The following MYOT variants were observed in gnomAD, a reference collection of about 807,000 sequenced individuals.
The protein encoded by MYOT is 57 kDa cytoskeletal protein.
In MYOT, 36 loss-of-function variants were observed where a neutral mutation model predicts 58.0. The observed-to-expected ratio is 0.62, with a 90% CI of 0.48 to 0.82. MYOT has a LOEUF of 0.82. MYOT is among the 40% of genes least tolerant of loss of function. The probability of loss-of-function intolerance (pLI) is 0.00; values close to 1 mark genes in which losing one functional copy is unlikely to be tolerated. For synonymous variants in MYOT, 218 were observed against 204.6 expected, an observed-to-expected ratio of 1.07 and a Z score of -0.56; for missense variants, 505 against 592.1, an observed-to-expected ratio of 0.85 and a Z score of 1.53.
At chr5:137,877,066 T>TAAA (rs34554181) in intron 3 of MYOT, among the ~76,000 whole-genome samples, 1 of 143,330 alleles carries the variant, frequency 7.0e-6, no homozygotes, top group African/African-American at 2.5e-5. Context: ...GAAAAGACTT[T>TAAA]AAAAAAAAAA....
intron 1 of MYOT, among the ~76,000 whole-genome samples, chr5:137,869,166 G>T (rs903599845): frequency 6.6e-6 from 1 of 152,110 alleles, no homozygotes; most frequent in Non-Finnish European, 1.5e-5. Context: ...ATAATTAGAA[G>T]ACTTCGTTTC....
At chr5:137,872,962 C>T (rs550817921) in intron 2 of MYOT, among the ~76,000 whole-genome samples, 4 of 152,236 alleles carry the variant, frequency 2.6e-5, no homozygotes, top group South Asian at 2.1e-4. Flanking sequence ...AGTGTGCAAA[C>T]GTACTATTAG....
At chr5:137,886,638 C>T in intron 8 of MYOT, 3 of 587,794 alleles carry the variant, frequency 5.1e-6, no homozygotes, top group South Asian at 5.0e-5. Context: ...CACAGACACA[C>T]CCGAGTGAAT....
Position 137,887,111 on chromosome 5 carries a change from GT to G in MYOT, c.1325-98del. 3.2e-6 allele frequency: 5 copies of G among 1,560,786 alleles called. No individual in the cohort carries two copies. In the East Asian group the frequency reaches 6.7e-5, roughly 21 times the overall value. On this transcript the variant is annotated intron_variant, in intron 9 of 9. Transcript: ENST00000239926. ...GAGATATTTTCCCCATATATAATCA[GT>G]TTTGGTTCTTTTTTCTTTTCCTGTC...
intron 2 of MYOT, among the ~76,000 whole-genome samples, chr5:137,873,082 C>A (rs1755099998): frequency 6.6e-6 from 1 of 152,182 alleles, no homozygotes; most frequent in East Asian, 1.9e-4. Flanking sequence ...ATCAGTGATT[C>A]TCAGGATTGG....
chr5:137,887,346 G>A lies in MYOT; in HGVS notation c.1458G>A (p.Leu486=), dbSNP rs202139846. Residue 486 remains leucine (L), a synonymous_variant, in exon 10 of 10, where the codon TTG becomes TTA. Coordinates refer to ENST00000239926, the MANE Select transcript of MYOT (RefSeq NM_006790.3). ...AFNPEGEFQR[L]AAQSGLYESE... ...ACCCAGAAGGAGAATTTCAGCGTTT[G>A]GCAGCTCAATCTGGACTCTATGAAA... 4.5e-5 allele frequency: 72 copies of A among 1,613,972 alleles called. No homozygotes were observed. The East Asian group carries it at 1.6e-3, about 35-fold the overall frequency.
chr5:137,870,978 C>T lies in MYOT; in HGVS notation c.327C>T (p.Ser109=), dbSNP rs1439372814. Residue 109 remains serine, a synonymous_variant, in exon 2 of 10, where the codon AGC becomes AGT. Coordinates refer to ENST00000239926, the MANE Select transcript of MYOT (RefSeq NM_006790.3). ...SILPSQPDYN[S]SKIPSAMDSN... Reference sequence around the variant, plus strand: ...TACCATCACAGCCTGATTACAATAGCAGTAAAATCCCTTCCGCTATGGATT... The same window carrying T: ...TACCATCACAGCCTGATTACAATAGTAGTAAAATCCCTTCCGCTATGGATT... 1 of 1,613,900 alleles carries T rather than the reference C, an allele frequency of 6.2e-7. No individual in the cohort carries two copies. The highest frequency in any genetic ancestry group is 8.5e-7 in the Non-Finnish European group (1 of 1,179,902).
intron 2 of MYOT, among the ~76,000 whole-genome samples, chr5:137,874,173 T>A (rs1310300343): frequency 6.6e-6 from 1 of 152,156 alleles, no homozygotes; most frequent in Non-Finnish European, 1.5e-5. Context: ...TTAATAAAGA[T>A]TAGTCCCTGC....
chr5:137,885,771 C>CAAAAAAAAAAAAAA (rs71583286), intron 7 of MYOT, among the ~76,000 whole-genome samples: 4 of 30,974 alleles, frequency 1.3e-4, no homozygotes, highest in Non-Finnish European at 1.8e-4. Flanking sequence ...GACTCTGTCT[C>CAAAAAAAAAAAAAA]AAAAAAAAAA....
intron 2 of MYOT, 85 bp from the exon 3 acceptor site, chr5:137,875,744 T>G: frequency 1.6e-6 from 2 of 1,234,016 alleles, no homozygotes; most frequent in South Asian, 1.2e-5. Flanking sequence ...TAGTACTAAG[T>G]GGTAAACTCA....
chr5:137,882,136 A>T (rs372932697), intron 6 of MYOT, 31 bp downstream of exon 6: 1 of 1,611,990 alleles, frequency 6.2e-7, no homozygotes, highest in African/African-American at 1.3e-5. Context: ...TACTGGGGGA[A>T]AATTAACAAT....
chr5:137,886,964 G>A lies in MYOT; in HGVS notation c.1291G>A (p.Val431Met), dbSNP rs756306645. The change falls in exon 9 of 10, where the codon GTG becomes ATG. Residue 431 changes from valine (V) to methionine (M), a missense_variant. Coordinates refer to ENST00000239926, the MANE Select transcript of MYOT (RefSeq NM_006790.3). ...TGTGTCAGCAGTTAATGAAGCTGGA[G>A]TGACTACATGTAACACAAGATTAGA... Reference protein sequence around the residue: ...YTVSAVNEAGVTTCNTRLDVT... With the variant: ...YTVSAVNEAGMTTCNTRLDVT... 2.5e-6 allele frequency: 4 copies of A among 1,613,564 alleles called. No homozygotes were observed. Among genetic ancestry groups the A allele is most frequent in the African/African-American group, 2.7e-5 (2 of 75,028 alleles).
In MYOT at chr5:137,886,949, G is replaced by A. The variant is rs757791195; in HGVS notation, c.1276G>A (p.Val426Ile). The A allele has an allele frequency of 1.2e-6, 2 of 1,612,918 alleles. No individual in the cohort carries two copies. The highest frequency in any genetic ancestry group is 1.7e-6 in the Non-Finnish European group (2 of 1,178,906). ...TGCTGGGTGGTATACTGTGTCAGCA[G>A]TTAATGAAGCTGGAGTGACTACATG... ...KDAGWYTVSAVNEAGVTTCNT... is the reference protein window; with the variant it reads ...KDAGWYTVSAINEAGVTTCNT... Residue 426 changes from valine (V) to isoleucine (I), a missense_variant, in exon 9 of 10, where the codon GTT becomes ATT. Physicochemically the swap from Val to Ile is conservative, Grantham distance 29 (BLOSUM62 3). Coordinates refer to ENST00000239926, the MANE Select transcript of MYOT (RefSeq NM_006790.3).
At chr5:137,886,765 T>G in intron 8 of MYOT, 99 bp from the exon 9 acceptor site, 2 of 919,960 alleles carry the variant, frequency 2.2e-6, no homozygotes, top group East Asian at 5.2e-5. Context: ...CTTTGGAATT[T>G]TCAAATGTTT....
chr5:137,882,810 A>G (rs2149987493), intron 6 of MYOT: 1 of 156,720 alleles, frequency 6.4e-6, no homozygotes, highest in African/African-American at 2.4e-5. Context: ...AAGAGGTTAT[A>G]TTTTTATTAT....
chr5:137,887,010 A>G lies in MYOT; in HGVS notation c.1324+13A>G, dbSNP rs770627784. On this transcript the variant is annotated intron_variant, in intron 9 of 9. Coordinates refer to ENST00000239926, the MANE Select transcript of MYOT (RefSeq NM_006790.3). ...TTAGACGTTACGGGTATGTCATACT[A>G]TTAACCAAAGTATTATAAGGGATTT... 1.9e-6 allele frequency: 3 copies of G among 1,610,912 alleles called. No individual in the cohort carries two copies. In the East Asian group the frequency reaches 6.7e-5, roughly 36 times the overall value.
chr5:137,883,427 G>C lies in MYOT; in HGVS notation c.860G>C (p.Gly287Ala). Residue 287 changes from glycine (G) to alanine (A), a missense_variant, in exon 7 of 10, where the codon GGA becomes GCA. By Grantham distance (60) the Gly-to-Ala change is moderately conservative. Transcript: ENST00000239926. ...CCTGATGTGTCATGGTATCTAAATG[G>C]AAGAACAGTTCAATCAGATGATTTG... is the stretch of plus-strand genomic sequence containing the variant. ...PAPDVSWYLN[G>A]RTVQSDDLHK... The C allele has an allele frequency of 6.2e-7, 1 of 1,614,046 alleles. No homozygotes were observed. The highest frequency in any genetic ancestry group is 8.5e-7 in the Non-Finnish European group (1 of 1,180,008).
chr5:137,879,073 C>CTATA (rs1580858023), intron 4 of MYOT, among the ~76,000 whole-genome samples: 2 of 152,000 alleles, frequency 1.3e-5, no homozygotes, highest in African/African-American at 4.8e-5. Context: ...ATAGATGGGA[C>CTATA]TATAGGTGCG....
chr5:137,872,006 T>C (rs1755067538), intron 2 of MYOT, among the ~76,000 whole-genome samples: 1 of 152,164 alleles, frequency 6.6e-6, no homozygotes, highest in Non-Finnish European at 1.5e-5. Flanking sequence ...ACTCCTATTA[T>C]TGGTGACAAC....
Sources: gnomAD v4.1 joint callset for allele counts (sites outside exome capture counted in the v4.1 genomes callset) on GRCh38, gnomAD v4.1.1 for gene constraint, MANE v1.5 for transcripts, NCBI Gene and HGNC (gene_info 2026-07-23, HGNC 2026-07-21) for gene names.